DOCK1: variants seen among roughly 807,000 people sequenced by gnomAD.
DOCK1 encodes the protein dedicator of cytokinesis protein 1.
A neutral mutation model predicts 262.7 loss-of-function variants in DOCK1; 138 were observed. The observed-to-expected ratio is 0.53, with a 90% CI of 0.46 to 0.61. The LOEUF is 0.61. DOCK1 is among the 20% of genes least tolerant of loss of function. The pLI, the probability that DOCK1 is intolerant of heterozygous loss-of-function variation, is 0.00. For missense variants in DOCK1, 1,908 were observed against 2,370.7 expected, an observed-to-expected ratio of 0.80 and a Z score of 4.05; for synonymous variants, 866 against 867.4, an observed-to-expected ratio of 1.00 and a Z score of 0.03.
chr10:127,298,413 T>TTTAA, intron 29 of DOCK1, among the ~76,000 whole-genome samples: 1 of 152,206 alleles, frequency 6.6e-6, no homozygotes, highest in Non-Finnish European at 1.5e-5. Flanking sequence ...TGAAATGAAA[T>TTTAA]CTTTTTGTTA....
intron 31 of DOCK1, among the ~76,000 whole-genome samples, chr10:127,348,371 A>T (rs1417804814): frequency 6.6e-6 from 1 of 152,196 alleles, no homozygotes; most frequent in Non-Finnish European, 1.5e-5. Context: ...ACTTTTGATT[A>T]GCAGCCAGCT....
intron 1 of DOCK1, among the ~76,000 whole-genome samples, chr10:126,949,214 G>A (rs2035947590): frequency 1.3e-5 from 2 of 152,082 alleles, no homozygotes; most frequent in African/African-American, 4.8e-5. Flanking sequence ...TGGGTTGGGG[G>A]ACATGGGGTT....
At chr10:127,320,082 G>A (rs371715528) in intron 29 of DOCK1, among the ~76,000 whole-genome samples, 22 of 152,098 alleles carry the variant, frequency 1.4e-4, no homozygotes, top group African/African-American at 1.2e-4. Context: ...TGCACTCATC[G>A]GTGCCCACAA....
intron 31 of DOCK1, among the ~76,000 whole-genome samples, chr10:127,349,008 T>C (rs2063763905): frequency 6.6e-6 from 1 of 152,152 alleles, no homozygotes; most frequent in African/African-American, 2.4e-5. Flanking sequence ...TAACAAGTGG[T>C]GACCTGTGCC....
intron 6 of DOCK1, 40 bp from the exon 7 acceptor site, chr10:126,996,708 G>T: frequency 6.5e-7 from 1 of 1,545,174 alleles, no homozygotes. Flanking sequence ...CAGCCTCCTT[G>T]GTCTATGTCT....
At chr10:127,325,418 T>G (rs1388028259) in intron 29 of DOCK1, among the ~76,000 whole-genome samples, 1 of 152,222 alleles carries the variant, frequency 6.6e-6, no homozygotes, top group Non-Finnish European at 1.5e-5. Context: ...TGAGCTTATT[T>G]AATGGTTACC....
intron 27 of DOCK1, among the ~76,000 whole-genome samples, chr10:127,243,671 G>A (rs1374063660): frequency 6.6e-6 from 1 of 152,120 alleles, no homozygotes; most frequent in African/African-American, 2.4e-5. Flanking sequence ...TCTGTCCAGG[G>A]CTCCCTCCAG....
At chr10:127,439,349 A>T in intron 49 of DOCK1, 124 bp downstream of exon 49, 1 of 1,011,692 alleles carries the variant, frequency 9.9e-7, no homozygotes, top group Non-Finnish European at 1.4e-6. Flanking sequence ...GCAACTCAGA[A>T]ACCTGGGGTC....
At chr10:127,101,862 G>A (rs766762063) in intron 23 of DOCK1, among the ~76,000 whole-genome samples, 137 of 152,216 alleles carry the variant, frequency 9.0e-4, no homozygotes, top group Non-Finnish European at 1.4e-3. Flanking sequence ...GTTCGCAAGC[G>A]AAACGAGAGA....
chr10:127,447,516 A>ACACCTC lies in DOCK1; in HGVS notation c.5544_5549dup (p.Pro1851_Pro1852dup). ...AAACCAGGACTTGCTGGGCTCGCCA[A>ACACCTC]CACCTCCACCTCCCCCTCCACACCA... On this transcript the variant is annotated inframe_insertion, in exon 51 of 52. Coordinates refer to ENST00000623213, the MANE Select transcript of DOCK1 (RefSeq NM_001290223.2). 1 of 1,613,916 alleles carries ACACCTC rather than the reference A, an allele frequency of 6.2e-7. No homozygotes were observed. Among genetic ancestry groups the ACACCTC allele is most frequent in the South Asian group, 1.1e-5 (1 of 91,042 alleles).
At position 127,324,411 on chromosome 10, in the gene DOCK1, G is replaced by C. The variant is rs146708240; in HGVS notation, c.3045-14595G>C. On this transcript the variant is annotated intron_variant, in intron 29 of 51. Transcript: ENST00000623213. ...GATTTCTTGCAGGGCAGATGGAGAAGACAGCCTCTGGGTCTCCAAACCCCT... is the reference window on the plus strand; with the variant it reads ...GATTTCTTGCAGGGCAGATGGAGAACACAGCCTCTGGGTCTCCAAACCCCT... 4.9e-3 allele frequency among the ~76,000 whole-genome samples: 753 copies of C among 152,314 alleles called. 11 individuals carry two copies. The highest frequency in any genetic ancestry group is 0.017 in the African/African-American group (722 of 41,572).
intron 33 of DOCK1, among the ~76,000 whole-genome samples, chr10:127,368,479 A>C (rs1590734744): frequency 3.2e-4 from 47 of 146,132 alleles, no homozygotes; most frequent in South Asian, 8.8e-4. Flanking sequence ...CGTTCATCCC[A>C]CCCCCTCGCC....
intron 1 of DOCK1, among the ~76,000 whole-genome samples, chr10:126,952,895 G>T (rs2036418336): frequency 8.2e-5 from 1 of 12,210 alleles, no homozygotes; most frequent in Admixed American, 9.9e-4. Context: ...AGTATTGTAG[G>T]TGATGGTGGT....
At chr10:127,320,033 G>A (rs1395389612) in intron 29 of DOCK1, among the ~76,000 whole-genome samples, 4 of 152,128 alleles carry the variant, frequency 2.6e-5, no homozygotes, top group African/African-American at 7.2e-5. Context: ...GTGGGCTGTC[G>A]TAGCAGAGCA....
chr10:126,987,317 G>A (rs963955946), intron 4 of DOCK1, among the ~76,000 whole-genome samples: 15 of 152,182 alleles, frequency 9.9e-5, no homozygotes, highest in African/African-American at 3.4e-4. Flanking sequence ...GGTAATGTAT[G>A]AACCTTCCCA....
intron 22 of DOCK1, among the ~76,000 whole-genome samples, chr10:127,056,329 C>G (rs1343745861): frequency 6.6e-6 from 1 of 152,116 alleles, no homozygotes; most frequent in Non-Finnish European, 1.5e-5. Flanking sequence ...CTTAGTCTCC[C>G]AAGTAACTAG....
chr10:127,243,180 C>G (rs1314435569), intron 27 of DOCK1, among the ~76,000 whole-genome samples: 1 of 152,180 alleles, frequency 6.6e-6, no homozygotes, highest in Admixed American at 6.5e-5. Flanking sequence ...TACACCTTCA[C>G]AGCTCCTCAA....
At chr10:127,215,508 G>C (rs2058167550) in intron 27 of DOCK1, among the ~76,000 whole-genome samples, 3 of 152,172 alleles carry the variant, frequency 2.0e-5, no homozygotes, top group Admixed American at 2.0e-4. Flanking sequence ...GCTACATTCT[G>C]TACCTGTTTA....
chr10:127,052,960 T>G (rs920711036), intron 22 of DOCK1, 145 bp downstream of exon 22: 48 of 1,317,658 alleles, frequency 3.6e-5, no homozygotes, highest in Non-Finnish European at 4.9e-5. Context: ...GAGAGAGCAC[T>G]GTTGATCCTG....
Sources: gnomAD v4.1 joint callset for allele counts (sites outside exome capture counted in the v4.1 genomes callset) on GRCh38, gnomAD v4.1.1 for gene constraint, MANE v1.5 for transcripts, NCBI Gene and HGNC (gene_info 2026-07-23, HGNC 2026-07-21) for gene names.